The following PPP1R1C variants were observed in gnomAD, a reference collection of about 807,000 sequenced individuals.
PPP1R1C encodes the protein protein phosphatase 1 regulatory subunit 1C.
Under a neutral mutation model 17.4 loss-of-function variants are expected in PPP1R1C, and 15 were observed. The ratio of observed to expected loss-of-function variants is 0.86; its 90% CI spans 0.58 to 1.33. The LOEUF (loss-of-function observed/expected upper bound fraction) is 1.33, where lower values mean the gene tolerates loss of function less well. Ranked by LOEUF, PPP1R1C falls within the 40% of genes most tolerant of loss-of-function variation. The pLI, the probability that PPP1R1C is intolerant of heterozygous loss-of-function variation, is 0.00. For synonymous variants in PPP1R1C, 35 were observed against 43.1 expected, an observed-to-expected ratio of 0.81 and a Z score of 0.73; for missense variants, 143 against 130.0, an observed-to-expected ratio of 1.10 and a Z score of -0.48.
intron 4 of PPP1R1C, among the ~76,000 whole-genome samples, chr2:182,073,815 A>C (rs1688209522): frequency 6.6e-6 from 1 of 152,114 alleles, no homozygotes; most frequent in African/African-American, 2.4e-5. Flanking sequence ...AACTTTGAAC[A>C]CTGTGGGGTG....
chr2:182,074,952 A>G (rs1360659125), intron 4 of PPP1R1C, among the ~76,000 whole-genome samples: 2 of 152,248 alleles, frequency 1.3e-5, no homozygotes, highest in Non-Finnish European at 2.9e-5. Context: ...ACCCTAGGTC[A>G]GATTTTGAGG....
At chr2:181,985,363 C>T (rs1031559485), upstream of PPP1R1C, among the ~76,000 whole-genome samples, 2 of 152,176 alleles carry the variant, frequency 1.3e-5, no homozygotes, top group Admixed American at 6.5e-5. The surrounding 1 kb of genome is among the most constrained non-coding windows in gnomAD (Gnocchi z 4.1). Context: ...GGCCACAGAG[C>T]TTGTTAATTA....
At chr2:182,096,142 G>C (rs1268515401) in intron 4 of PPP1R1C, among the ~76,000 whole-genome samples, 1 of 152,172 alleles carries the variant, frequency 6.6e-6, no homozygotes, top group Admixed American at 6.5e-5. Context: ...TTTTTATGCT[G>C]TCTGATGAAA....
intron 4 of PPP1R1C, among the ~76,000 whole-genome samples, chr2:182,107,837 A>C (rs1434721873): frequency 6.6e-6 from 1 of 151,940 alleles, no homozygotes; most frequent in African/African-American, 2.4e-5. Flanking sequence ...GACTCCCACC[A>C]TGAGGTCTTC....
chr2:182,079,077 T>TTGTC (rs1339759719), intron 4 of PPP1R1C, among the ~76,000 whole-genome samples: 1 of 152,208 alleles, frequency 6.6e-6, no homozygotes, highest in East Asian at 1.9e-4. Flanking sequence ...ATCAGAAATA[T>TTGTC]AGTTGACTCT....
chr2:182,129,721 A>C (rs1247697419), exon 6 of PPP1R1C: 1 of 152,082 alleles, frequency 6.6e-6, no homozygotes, highest in African/African-American at 2.4e-5. Flanking sequence ...GCTTCCACTA[A>C]CTAGCTTCTG....
At chr2:182,070,098 T>A (rs1688098770) in intron 4 of PPP1R1C, among the ~76,000 whole-genome samples, 1 of 152,114 alleles carries the variant, frequency 6.6e-6, no homozygotes, top group Non-Finnish European at 1.5e-5. Flanking sequence ...GACAAAGACA[T>A]CTGGAGATGG....
In PPP1R1C at chr2:182,008,093, A is replaced by AAT. The variant is rs1025240218; in HGVS notation, c.142+20195_142+20196insTA. 9.5e-4 allele frequency among the ~76,000 whole-genome samples: 123 copies of AAT among 129,812 alleles called. 1 individual carries two copies. Among genetic ancestry groups the AAT allele is most frequent in the African/African-American group, 2.9e-3 (116 of 40,244 alleles). 85.2% of individuals were successfully genotyped at this position (129,812 alleles called of 152,430 possible). A position where few individuals can be genotyped will look rare whatever the true frequency, so the allele number is the denominator to read the frequency against. ...AAAAAAAACAAACAAATAAATAAAA[A>AAT]AATAAAATAAAATGAAATCAATACT... On this transcript the variant is annotated intron_variant, in intron 2 of 4. Transcript: ENST00000682840.
rs1196180 is a variant in PPP1R1C, at chr2:182,029,308, C to T, written c.143-32134C>T. On this transcript the variant is annotated intron_variant, in intron 2 of 4. Transcript: ENST00000682840. The stretch of plus-strand genomic sequence containing the variant: ...AGTTGATGCAGTTTCTTCCTAGTCT[C>T]GATGGTCTTTACATTTTGGCATGAT... Among the ~76,000 whole-genome samples the T allele has an allele frequency of 2.6e-3, 388 of 151,980 alleles. 1 individual carries two copies. Among genetic ancestry groups the T allele is most frequent in the African/African-American group, 8.8e-3 (364 of 41,414 alleles).
chr2:182,019,697 A>C (rs555834747), intron 2 of PPP1R1C, among the ~76,000 whole-genome samples: 1 of 152,332 alleles, frequency 6.6e-6, no homozygotes, highest in South Asian at 2.1e-4. Flanking sequence ...AATCAGTGGC[A>C]GAGCTAGAGT....
chr2:181,964,664 A>G lies in PPP1R1C; in HGVS notation n.111+10030A>G, dbSNP rs566305525. Among the ~76,000 whole-genome samples, 13 of 152,246 alleles carry G rather than the reference A, an allele frequency of 8.5e-5. No homozygotes were observed. The South Asian group carries it at 2.7e-3, about 32-fold the overall frequency. On this transcript the variant is annotated intron_variant and non_coding_transcript_variant, in intron 1 of 5. Coordinates refer to the PPP1R1C transcript ENST00000464264. ...TGTCTTTTGGAAAAAAAGCCGTTTT[A>G]ACTTGGGTGAGATGACATCTCACTG...
In PPP1R1C at chr2:181,961,098, A is replaced by C; in HGVS notation, n.111+6464A>C. The C allele has an allele frequency of 1.7e-6, 1 of 573,982 alleles. No homozygotes were observed. The highest frequency in any genetic ancestry group is 2.0e-5 in the South Asian group (1 of 50,098). The allele number at this position is 573,982 out of a possible 1,614,324, so 35.6% of individuals were successfully genotyped here. ...CTGTAACAGGAGCGTGTGTCACATC[A>C]TCATAGCAGTTTTCTTGTCTTCCTT... is the stretch of plus-strand genomic sequence containing the variant. On this transcript the variant is annotated intron_variant and non_coding_transcript_variant, in intron 1 of 5. Transcript: ENST00000464264. The surrounding 1 kb of genome is among the most constrained non-coding windows in gnomAD (Gnocchi z 5.8).
chr2:182,031,302 A>G (rs1357587513), intron 2 of PPP1R1C, among the ~76,000 whole-genome samples: 1 of 152,242 alleles, frequency 6.6e-6, no homozygotes, highest in Non-Finnish European at 1.5e-5. Context: ...CCTGATAATG[A>G]TGATTATATT....
intron 2 of PPP1R1C, among the ~76,000 whole-genome samples, chr2:181,978,438 A>G (rs1352042005): frequency 6.6e-6 from 1 of 152,198 alleles, no homozygotes; most frequent in Non-Finnish European, 1.5e-5. Flanking sequence ...AAACAGCTGG[A>G]GATGACTTGA....
upstream of PPP1R1C, among the ~76,000 whole-genome samples, chr2:181,983,134 C>G (rs1242788187): frequency 1.3e-5 from 2 of 152,152 alleles, no homozygotes; most frequent in African/African-American, 4.8e-5. Flanking sequence ...TTGATGTGGT[C>G]AGAACCTCTA....
rs1015545705 is a variant in PPP1R1C, at chr2:181,967,910, T to G, written n.112-7309T>G. Among the ~76,000 whole-genome samples the G allele has an allele frequency of 6.6e-6, 1 of 152,146 alleles. No homozygotes were observed. The highest frequency in any genetic ancestry group is 2.1e-4 in the South Asian group (1 of 4,830). ...TTGTGTTTTTAGTAGAGAGGGGATT[T>G]CTTCATGTTGGTCAAGCTGGTCTCA... is the stretch of plus-strand genomic sequence containing the variant. On this transcript the variant is annotated intron_variant and non_coding_transcript_variant, in intron 1 of 5. Coordinates refer to the PPP1R1C transcript ENST00000464264. The surrounding 1 kb of genome is among the most constrained non-coding windows in gnomAD (Gnocchi z 5.5).
intron 4 of PPP1R1C, among the ~76,000 whole-genome samples, chr2:182,101,919 G>A (rs1689108266): frequency 6.6e-6 from 1 of 152,106 alleles, no homozygotes; most frequent in Admixed American, 6.6e-5. Flanking sequence ...TTCAATGTCT[G>A]CTGATCTATA....
chr2:182,076,197 C>CCTTTTTTT (rs1688298939), intron 4 of PPP1R1C, among the ~76,000 whole-genome samples: 1 of 25,850 alleles, frequency 3.9e-5, no homozygotes, highest in Non-Finnish European at 6.0e-5. Context: ...TTTTTCTTTT[C>CCTTTTTTT]TTTTTTTTTT....
chr2:181,963,023 C>A (rs551707148), intron 1 of PPP1R1C, among the ~76,000 whole-genome samples: 7 of 152,168 alleles, frequency 4.6e-5, no homozygotes, highest in African/African-American at 1.7e-4. Context: ...ATTTGTAAAC[C>A]CTGGAGGTTT....
Sources: gnomAD v4.1 joint callset for allele counts (sites outside exome capture counted in the v4.1 genomes callset) on GRCh38, gnomAD v4.1.1 for gene constraint, Gnocchi (gnomAD v3.1) non-coding constraint, MANE v1.5 for transcripts, NCBI Gene and HGNC (gene_info 2026-07-23, HGNC 2026-07-21) for gene names.